The following LDB2 variants were observed in gnomAD, a reference collection of about 807,000 sequenced individuals.
LDB2 encodes LIM domain-binding protein 2.
In LDB2, 12 loss-of-function variants were observed where a neutral mutation model predicts 44.3. The observed-to-expected ratio is 0.27, with a 90% CI of 0.17 to 0.44. The LOEUF (loss-of-function observed/expected upper bound fraction) is 0.44. Ranked by LOEUF, LDB2 falls within the 20% of genes least tolerant of loss-of-function variation. The probability of loss-of-function intolerance (pLI) is 1.00; values close to 1 mark genes in which losing one functional copy is unlikely to be tolerated. For synonymous variants in LDB2, 164 were observed against 174.8 expected (o/e 0.94, Z 0.49); for missense variants, 344 against 473.5 (o/e 0.73, Z 2.54).
intron 7 of LDB2, chr4:16,506,113 G>A (rs912371248): frequency 1.3e-5 from 12 of 901,482 alleles, no homozygotes; most frequent in Admixed American, 3.0e-5. Context: ...ACCAGACAGT[G>A]GATGCCTGCA....
At chr4:16,518,598 T>A (rs1724778852) in intron 5 of LDB2, among the ~76,000 whole-genome samples, 1 of 152,150 alleles carries the variant, frequency 6.6e-6, no homozygotes, top group Non-Finnish European at 1.5e-5. Context: ...TGTCTATAGC[T>A]GCTTTTGTGC....
At chr4:16,804,898 A>C (rs955427684) in intron 1 of LDB2, among the ~76,000 whole-genome samples, 2 of 152,180 alleles carry the variant, frequency 1.3e-5, no homozygotes, top group African/African-American at 4.8e-5. Context: ...AAGCAAAAGA[A>C]ATTTATTTAT....
At chr4:16,628,519 T>C (rs1303777227) in intron 2 of LDB2, among the ~76,000 whole-genome samples, 1 of 152,126 alleles carries the variant, frequency 6.6e-6, no homozygotes, top group Non-Finnish European at 1.5e-5. Context: ...AAGACCCTTC[T>C]CAACTTTTTT....
intron 1 of LDB2, among the ~76,000 whole-genome samples, chr4:16,873,029 G>A (rs1231331113): frequency 1.3e-5 from 2 of 152,102 alleles, no homozygotes; most frequent in African/African-American, 4.8e-5. Flanking sequence ...ATCTAATGGG[G>A]GTTCAAAAAG....
At chr4:16,860,458 G>A (rs1005984464) in intron 1 of LDB2, among the ~76,000 whole-genome samples, 9 of 152,084 alleles carry the variant, frequency 5.9e-5, no homozygotes, top group South Asian at 2.1e-4. Flanking sequence ...TCTCTATCTC[G>A]CTGATTCACC....
intron 5 of LDB2, among the ~76,000 whole-genome samples, chr4:16,530,864 G>A (rs1430240904): frequency 6.6e-6 from 1 of 152,164 alleles, no homozygotes. Flanking sequence ...ATAGCTCTAC[G>A]ACTTGGGTAA....
At chr4:16,682,000 G>A (rs1748072056) in intron 2 of LDB2, among the ~76,000 whole-genome samples, 1 of 152,142 alleles carries the variant, frequency 6.6e-6, no homozygotes, top group Admixed American at 6.5e-5. Context: ...ATTTATAAAT[G>A]AAGATTTACA....
At chr4:16,795,391 G>T (rs1373594928) in intron 1 of LDB2, among the ~76,000 whole-genome samples, 1 of 152,186 alleles carries the variant, frequency 6.6e-6, no homozygotes, top group African/African-American at 2.4e-5. Flanking sequence ...GAACGTGCAA[G>T]TGCAAGGTTG....
intron 2 of LDB2, among the ~76,000 whole-genome samples, chr4:16,728,071 A>G (rs983749061): frequency 1.3e-5 from 2 of 152,188 alleles, no homozygotes; most frequent in African/African-American, 4.8e-5. Context: ...GAATTTCTAG[A>G]AGTTGCATTT....
At chr4:16,709,674 A>G (rs1283991953) in intron 2 of LDB2, among the ~76,000 whole-genome samples, 1 of 152,220 alleles carries the variant, frequency 6.6e-6, no homozygotes, top group Non-Finnish European at 1.5e-5. Context: ...TGCCAACGTA[A>G]AACATTTTAA....
intron 2 of LDB2, among the ~76,000 whole-genome samples, chr4:16,724,299 T>G (rs905260650): frequency 2.0e-5 from 3 of 151,876 alleles, no homozygotes; most frequent in Admixed American, 6.6e-5. Context: ...GTTCTATTAC[T>G]AAGAGGGAGA....
chr4:16,802,054 T>C (rs1265170291), intron 1 of LDB2, among the ~76,000 whole-genome samples: 3 of 152,230 alleles, frequency 2.0e-5, no homozygotes, highest in Non-Finnish European at 4.4e-5. Context: ...ATTCACTTGA[T>C]AGCCTTGCAC....
chr4:16,594,099 T>C (rs868391836), intron 3 of LDB2, among the ~76,000 whole-genome samples: 34 of 148,792 alleles, frequency 2.3e-4, no homozygotes, highest in African/African-American at 3.5e-4. Context: ...ATTTTTTTTT[T>C]CCCCTTACAG....
intron 1 of LDB2, among the ~76,000 whole-genome samples, chr4:16,777,452 G>C (rs1772184396): frequency 6.6e-6 from 1 of 152,144 alleles, no homozygotes; most frequent in African/African-American, 2.4e-5. Flanking sequence ...TGCTCATCCA[G>C]GCATTGGAAG....
intron 5 of LDB2, among the ~76,000 whole-genome samples, chr4:16,558,471 C>T (rs374913346): frequency 1.3e-4 from 20 of 151,614 alleles, no homozygotes; most frequent in African/African-American, 2.9e-4. Context: ...TGATGGAAGA[C>T]GAAATGAATG....
intron 1 of LDB2, among the ~76,000 whole-genome samples, chr4:16,887,152 C>T (rs1306964245): frequency 6.9e-6 from 1 of 144,886 alleles, no homozygotes; most frequent in Non-Finnish European, 1.5e-5. Flanking sequence ...CAGATTAATG[C>T]TTGGTAAGTG....
intron 2 of LDB2, among the ~76,000 whole-genome samples, chr4:16,666,106 C>T (rs1743109478): frequency 6.6e-6 from 1 of 152,152 alleles, no homozygotes; most frequent in Non-Finnish European, 1.5e-5. Context: ...TTTAAGCAGC[C>T]TGGATTGTGG....
At chr4:16,606,087 C>T (rs991689931) in intron 2 of LDB2, among the ~76,000 whole-genome samples, 22 of 152,138 alleles carry the variant, frequency 1.4e-4, no homozygotes, top group African/African-American at 4.6e-4. Context: ...TATCAATGTT[C>T]CCTAGCCTTT....
intron 2 of LDB2, among the ~76,000 whole-genome samples, chr4:16,606,701 G>A (rs1724036109): frequency 1.3e-5 from 2 of 152,134 alleles, no homozygotes; most frequent in Non-Finnish European, 2.9e-5. Flanking sequence ...CATTCACTTG[G>A]CTGCATGGAA....
Sources: allele counts gnomAD v4.1 joint callset (sites outside exome capture counted in the v4.1 genomes callset), GRCh38; gene constraint gnomAD v4.1.1; transcripts MANE v1.5; gene names NCBI Gene and HGNC (gene_info 2026-07-23, HGNC 2026-07-21).